The following HECW1 variants were observed in gnomAD, a reference collection of about 807,000 sequenced individuals.
The protein encoded by HECW1 is HECT, C2 and WW domain containing E3 ubiquitin protein ligase 1.
Under a neutral mutation model 182.3 loss-of-function variants are expected in HECW1, and 61 were observed. The ratio of observed to expected loss-of-function variants is 0.33; its 90% CI spans 0.27 to 0.41. The LOEUF (loss-of-function observed/expected upper bound fraction) is 0.41. Among genes scored for constraint, HECW1 ranks in the 10% least tolerant of loss-of-function variants. The probability of loss-of-function intolerance (pLI) is 1.00; values close to 1 mark genes in which losing one functional copy is unlikely to be tolerated. For missense variants in HECW1, 1,739 were observed against 2,108.9 expected (o/e 0.82, Z 3.44); for synonymous variants, 859 against 832.6 (o/e 1.03, Z -0.55).
intron 2 of HECW1, among the ~76,000 whole-genome samples, chr7:43,157,977 T>C (rs1478054661): frequency 1.3e-5 from 2 of 152,230 alleles, no homozygotes; most frequent in Admixed American, 6.5e-5. Flanking sequence ...AGTGAAGATG[T>C]AGTCTAGTAC....
intron 5 of HECW1, among the ~76,000 whole-genome samples, chr7:43,346,461 C>G (rs552192464): frequency 6.6e-6 from 1 of 152,204 alleles, no homozygotes; most frequent in African/African-American, 2.4e-5. Flanking sequence ...ATTCTCCTGA[C>G]TGTTCCTTGT....
At chr7:43,531,075 C>G (rs1434878218) in intron 24 of HECW1, among the ~76,000 whole-genome samples, 1 of 152,228 alleles carries the variant, frequency 6.6e-6, no homozygotes, top group East Asian at 1.9e-4. Context: ...TCTGTATGCT[C>G]TAGTAATCAT....
At chr7:43,239,195 T>C (rs889303577) in intron 2 of HECW1, 2 of 152,184 alleles carry the variant, frequency 1.3e-5, no homozygotes, top group Admixed American at 6.5e-5. Context: ...AGGGAGACGA[T>C]CTAGTGAAAC....
rs1489808328 is a variant in HECW1, at chr7:43,520,461, A to C, written c.4019+11340A>C. Among the ~76,000 whole-genome samples, 4 of 152,030 alleles carry C rather than the reference A, an allele frequency of 2.6e-5. No homozygotes were observed. The East Asian group carries it at 7.7e-4, about 29-fold the overall frequency. On this transcript the variant is annotated intron_variant, in intron 24 of 29. Transcript: ENST00000395891. ...TTCCTTAGGCTTTGCTCTGCTGCCC[A>C]TATGTGCGCGATTGTTTCTTCTGTT... is the stretch of plus-strand genomic sequence containing the variant.
chr7:43,194,726 C>T (rs1794269686), intron 2 of HECW1, among the ~76,000 whole-genome samples: 1 of 150,654 alleles, frequency 6.6e-6, no homozygotes, highest in Non-Finnish European at 1.5e-5. Context: ...TGGAGTCTCA[C>T]TCTGTCGCCC....
At chr7:43,490,885 G>C (rs1337723395) in intron 17 of HECW1, among the ~76,000 whole-genome samples, 2 of 151,846 alleles carry the variant, frequency 1.3e-5, no homozygotes, top group Admixed American at 1.3e-4. Flanking sequence ...AGCCTTCCGA[G>C]TAGCTAGGAT....
At chr7:43,389,137 T>C (rs1421532383) in intron 6 of HECW1, among the ~76,000 whole-genome samples, 2 of 152,210 alleles carry the variant, frequency 1.3e-5, no homozygotes, top group Admixed American at 6.5e-5. Flanking sequence ...AAGACAGTTT[T>C]GAGGGTAGGT....
At chr7:43,383,043 G>T (rs2074620714) in intron 6 of HECW1, among the ~76,000 whole-genome samples, 2 of 152,100 alleles carry the variant, frequency 1.3e-5, no homozygotes, top group Admixed American at 1.3e-4. Flanking sequence ...TTGGTTTTCT[G>T]TTCCTGTGTT....
intron 2 of HECW1, among the ~76,000 whole-genome samples, chr7:43,130,204 A>T (rs143862763): frequency 1.3e-3 from 195 of 152,328 alleles, no homozygotes; most frequent in African/African-American, 4.5e-3. Flanking sequence ...GACATTGTAT[A>T]AGTGTATATT....
At chr7:43,535,104 A>G (rs2081127994) in intron 24 of HECW1, among the ~76,000 whole-genome samples, 1 of 152,208 alleles carries the variant, frequency 6.6e-6, no homozygotes, top group Non-Finnish European at 1.5e-5. Flanking sequence ...GCAGCCTAAC[A>G]TCAGACCTTG....
intron 3 of HECW1, among the ~76,000 whole-genome samples, chr7:43,268,806 C>G (rs67392091): frequency 0.057 from 8,608 of 152,160 alleles, 326 homozygotes; most frequent in African/African-American, 0.11. Context: ...AGATCTTGCT[C>G]TGTCACCCAG....
intron 12 of HECW1, among the ~76,000 whole-genome samples, chr7:43,455,615 G>A (rs2077375318): frequency 6.6e-6 from 1 of 152,192 alleles, no homozygotes; most frequent in Non-Finnish European, 1.5e-5. Context: ...AGTGACAGTG[G>A]TGATGGACAT....
intron 8 of HECW1, among the ~76,000 whole-genome samples, chr7:43,417,549 G>A (rs2152854554): frequency 6.6e-6 from 1 of 152,152 alleles, no homozygotes; most frequent in South Asian, 2.1e-4. Context: ...TAACTGGTAT[G>A]TTTCCCCTCA....
intron 28 of HECW1, among the ~76,000 whole-genome samples, chr7:43,552,671 A>G (rs1353359801): frequency 6.6e-6 from 1 of 152,216 alleles, no homozygotes; most frequent in African/African-American, 2.4e-5. Context: ...TACAAAATGT[A>G]GTCTTTCGTG....
chr7:43,242,185 G>A (rs1257426818), intron 2 of HECW1, among the ~76,000 whole-genome samples: 2 of 152,198 alleles, frequency 1.3e-5, no homozygotes, highest in Non-Finnish European at 2.9e-5. Context: ...AAACAAGGAA[G>A]GGCGACATCA....
At chr7:43,205,088 AT>A (rs557651116) in intron 2 of HECW1, among the ~76,000 whole-genome samples, 68 of 147,150 alleles carry the variant, frequency 4.6e-4, no homozygotes, top group East Asian at 3.9e-4. Context: ...ACAAACAGTA[AT>A]TTTTTTTTTT....
At position 43,114,173 on chromosome 7, in the gene HECW1, C is replaced by A; in HGVS notation, c.-250C>A. 1 of 1,152,506 alleles carries A rather than the reference C, an allele frequency of 8.7e-7. No individual in the cohort carries two copies. Among genetic ancestry groups the A allele is most frequent in the Middle Eastern group, 3.3e-4 (1 of 3,062 alleles). The allele number at this position is 1,152,506 out of a possible 1,614,324, so 71.4% of individuals were successfully genotyped here. ...TTTGAAAAGATATCAATGCTATGTT[C>A]AGCAGAAACGGATACAGCAAGAGCA... On this transcript the variant is annotated 5_prime_UTR_variant, in exon 2 of 30. An upstream open reading frame in the 5' UTR gains an earlier in-frame stop. Transcript: ENST00000395891.
At chr7:43,538,832 C>T (rs987480447) in intron 24 of HECW1, among the ~76,000 whole-genome samples, 7 of 152,100 alleles carry the variant, frequency 4.6e-5, no homozygotes, top group Admixed American at 2.0e-4. Flanking sequence ...TATAATTAAC[C>T]GCGGTGACTA....
At position 43,317,151 on chromosome 7, in the gene HECW1, TA is replaced by T. The variant is rs1809423779; in HGVS notation, c.353-3483del. 1.3e-5 allele frequency among the ~76,000 whole-genome samples: 2 copies of T among 152,178 alleles called. 1 individual carries two copies. The highest frequency in any genetic ancestry group is 4.1e-4 in the South Asian group (2 of 4,830). The stretch of plus-strand genomic sequence containing the variant: ...ACCAGGCTCTTGGGCCTGTGGCTGC[TA>T]CAAGCATGGCCTTGAGAAATGGAGC... On this transcript the variant is annotated intron_variant, in intron 4 of 29. Coordinates refer to ENST00000395891, the MANE Select transcript of HECW1 (RefSeq NM_015052.5).
Sources: allele counts gnomAD v4.1 joint callset (sites outside exome capture counted in the v4.1 genomes callset), GRCh38; gene constraint gnomAD v4.1.1; transcripts MANE v1.5; gene names NCBI Gene and HGNC (gene_info 2026-07-23, HGNC 2026-07-21).